The following EEF2 variants were observed in gnomAD, a reference collection of about 807,000 sequenced individuals.
EEF2 encodes eukaryotic translation elongation factor 2.
A neutral mutation model predicts 85.3 loss-of-function variants in EEF2; 21 were observed. The observed-to-expected ratio is 0.25, with a 90% CI of 0.17 to 0.35. EEF2 has a LOEUF of 0.35. EEF2 is among the 10% of genes least tolerant of loss of function. The pLI is 1.00. For missense variants in EEF2, 825 were observed against 1,225.3 expected (o/e 0.67, Z 4.88); for synonymous variants, 723 against 508.8 (o/e 1.42, Z -5.67).
Position 3,980,901 on chromosome 19 carries a change from C to A in EEF2, c.1090G>T (p.Ala364Ser). 2 of 1,565,506 alleles carry A rather than the reference C, an allele frequency of 1.3e-6. No homozygotes were observed. Among genetic ancestry groups the A allele is most frequent in the Non-Finnish European group, 8.6e-7 (1 of 1,156,364 alleles). Reference sequence around the variant, plus strand: ...AGGAGCTCGCAGCGGTACTTCTGGGCCGTCACAGGGGAGGGCAGGTGGATG... The same window carrying A: ...AGGAGCTCGCAGCGGTACTTCTGGGACGTCACAGGGGAGGGCAGGTGGATG... ...ITIHLPSPVT[A>S]QKYRCELLYE... The change falls in exon 8 of 15, where the codon GCC (alanine) becomes TCC (serine). Residue 364 changes from alanine (A) to serine (S), a missense_variant. Physicochemically the swap from Ala to Ser is moderately conservative, Grantham distance 99. Transcript: ENST00000309311.
Position 3,976,106 on chromosome 19 carries a change from T to G in EEF2, c.*448A>C, listed in dbSNP as rs3189554. ...CCAATGGCACTAGTACAGCTGGAGG[T>G]GCTCATGGTGACACCGCACAGGACT... On this transcript the variant is annotated 3_prime_UTR_variant, in exon 15 of 15. Coordinates refer to ENST00000309311, the MANE Select transcript of EEF2 (RefSeq NM_001961.4). 5.4e-6 allele frequency: 1 copy of G among 185,426 alleles called. No individual in the cohort carries two copies. Among genetic ancestry groups the G allele is most frequent in the Non-Finnish European group, 1.1e-5 (1 of 87,486 alleles). The allele number at this position is 185,426 out of a possible 1,614,324, so 11.5% of individuals were successfully genotyped here.
At chr19:3,981,829 T>A in intron 6 of EEF2, 118 bp downstream of exon 6, 2 of 897,032 alleles carry the variant, frequency 2.2e-6, no homozygotes, top group Non-Finnish European at 3.5e-6. Flanking sequence ...CCTCCTCCCA[T>A]CTCGCATCTG....
chr19:3,977,091 C>A lies in EEF2; in HGVS notation c.2383+124G>T. On this transcript the variant is annotated intron_variant, in intron 14 of 14. Transcript: ENST00000309311. This position sits in a 1 kb window ranked among gnomAD's most constrained non-coding sequence, Gnocchi z 5.4. ...CCACAAGCTGTCAGAAACTGGACCACCTGCTCCATCCATCACCTGCTCCCA... is the reference window on the plus strand; with the variant it reads ...CCACAAGCTGTCAGAAACTGGACCAACTGCTCCATCCATCACCTGCTCCCA... The A allele has an allele frequency of 7.2e-7, 1 of 1,392,614 alleles. No homozygotes were observed. The highest frequency in any genetic ancestry group is 9.7e-7 in the Non-Finnish European group (1 of 1,034,858). 86.3% of individuals were successfully genotyped at this position (1,392,614 alleles called of 1,614,324 possible). A position where few individuals can be genotyped will look rare whatever the true frequency, so the allele number is the denominator to read the frequency against.
chr19:3,984,044 G>T (rs1378565602), intron 2 of EEF2, 92 bp downstream of exon 2: 1 of 1,369,258 alleles, frequency 7.3e-7, no homozygotes, highest in East Asian at 2.3e-5. Context: ...AAGAGACGTT[G>T]CCAAGTCTCT....
chr19:3,977,128 C>A lies in EEF2; in HGVS notation c.2383+87G>T. ...ATCACCTGCTCCCATCAGGACGCCT[C>A]CTTTAACACCTTGCTAAGCTTAACT... is the stretch of plus-strand genomic sequence containing the variant. On this transcript the variant is annotated intron_variant, in intron 14 of 14. Transcript: ENST00000309311. The surrounding 1 kb of genome is among the most constrained non-coding windows in gnomAD (Gnocchi z 5.4). The A allele has an allele frequency of 6.4e-7, 1 of 1,553,810 alleles. No homozygotes were observed. The highest frequency in any genetic ancestry group is 1.2e-5 in the South Asian group (1 of 83,058).
Position 3,981,333 on chromosome 19 carries a change from C to A in EEF2, c.1011+6G>T. 1 of 1,613,762 alleles carries A rather than the reference C, an allele frequency of 6.2e-7. No homozygotes were observed. The highest frequency in any genetic ancestry group is 2.2e-5 in the East Asian group (1 of 44,886). ...CTCCACCCCGAGGGCTGGGCCCAGGCCGCACCTTCAGCAGGGGTTTGCCTT... is the reference window on the plus strand; with the variant it reads ...CTCCACCCCGAGGGCTGGGCCCAGGACGCACCTTCAGCAGGGGTTTGCCTT... On this transcript the variant is annotated splice_donor_region_variant and intron_variant, in intron 7 of 14. Coordinates refer to ENST00000309311, the MANE Select transcript of EEF2 (RefSeq NM_001961.4).
chr19:3,978,055 C>G lies in EEF2; in HGVS notation c.1831G>C (p.Asp611His). 6.3e-7 allele frequency: 1 copy of G among 1,589,504 alleles called. No homozygotes were observed. The highest frequency in any genetic ancestry group is 8.6e-7 in the Non-Finnish European group (1 of 1,164,718). ...RLYMKARPFP[D>H]GLAEDIDKGE... ...TTATCGATGTCCTCGGCCAGGCCGT[C>G]GGGGAAGGGCCGCGCCTTCATGTAC... is the stretch of plus-strand genomic sequence containing the variant. Residue 611 changes from aspartate (D) to histidine (H), a missense_variant, in exon 12 of 15, where the codon GAC becomes CAC. By Grantham distance (81) the Asp-to-His change is moderately conservative (BLOSUM62 -1). Coordinates refer to ENST00000309311, the MANE Select transcript of EEF2 (RefSeq NM_001961.4).
In EEF2 at chr19:3,977,428, C is replaced by T. The variant is rs1456079221; in HGVS notation, c.2250G>A (p.Gln750=). The change falls in exon 13 of 15, where the codon CAG becomes CAA. Residue 750 remains glutamine, a splice_region_variant and synonymous_variant. Transcript: ENST00000309311. The surrounding 1 kb of genome is among the most constrained non-coding windows in gnomAD (Gnocchi z 5.4). ...TCAGCGGTGGGCGGGTAGACCTCACCTGGATCTCCACAAGGTAGATGGGCT... is the reference window on the plus strand; with the variant it reads ...TCAGCGGTGGGCGGGTAGACCTCACTTGGATCTCCACAAGGTAGATGGGCT... ...LMEPIYLVEI[Q]CPEQVVGGIY... 2 of 1,584,520 alleles carry T rather than the reference C, an allele frequency of 1.3e-6. No individual in the cohort carries two copies. Among genetic ancestry groups the T allele is most frequent in the Non-Finnish European group, 1.7e-6 (2 of 1,165,340 alleles).
In EEF2 at chr19:3,976,720, G is replaced by A. The variant is rs765967807; in HGVS notation, c.2411C>T (p.Thr804Met). The change falls in exon 15 of 15, where the codon ACG (threonine) becomes ATG (methionine). Residue 804 changes from threonine (T) to methionine (M), a missense_variant. Transcript: ENST00000309311. Reference sequence around the variant, plus strand: ...ACACTGGGGGAACGCCTGGCCGCCCGTGTTGGACCTCAGGTCAGCGGTGAA... The same window carrying A: ...ACACTGGGGGAACGCCTGGCCGCCCATGTTGGACCTCAGGTCAGCGGTGAA... ...FGFTADLRSN[T>M]GGQAFPQCVF... 6.3e-7 allele frequency: 1 copy of A among 1,598,500 alleles called. No individual in the cohort carries two copies. Among genetic ancestry groups the A allele is most frequent in the Non-Finnish European group, 8.5e-7 (1 of 1,175,642 alleles).
chr19:3,981,189 T>G (rs982429852), intron 7 of EEF2, 150 bp downstream of exon 7: 32 of 1,030,718 alleles, frequency 3.1e-5, no homozygotes, highest in Middle Eastern at 6.4e-4. Context: ...TGCTGGGATG[T>G]GTCTCCAGCA....
At position 3,977,755 on chromosome 19, in the gene EEF2, G is replaced by A. The variant is rs185679219; in HGVS notation, c.2067+64C>T. 1.3e-5 allele frequency: 20 copies of A among 1,501,530 alleles called. No homozygotes were observed. The highest frequency in any genetic ancestry group is 1.3e-5 in the South Asian group (1 of 75,450). 93.0% of individuals were successfully genotyped at this position (1,501,530 alleles called of 1,614,324 possible). A position where few individuals can be genotyped will look rare whatever the true frequency, so the allele number is the denominator to read the frequency against. On this transcript the variant is annotated intron_variant, in intron 12 of 14. Coordinates refer to ENST00000309311, the MANE Select transcript of EEF2 (RefSeq NM_001961.4). The surrounding 1 kb of genome is among the most constrained non-coding windows in gnomAD (Gnocchi z 5.4). ...TTAGGGTCTCTGTCTCGGGAGGCAG[G>A]ACCATGAGGTCCCTCTAGAGCCTGG...
At chr19:3,981,747 G>A (rs748137401) in intron 6 of EEF2, among the ~76,000 whole-genome samples, 200 bp downstream of exon 6, 3 of 152,356 alleles carry the variant, frequency 2.0e-5, no homozygotes, top group African/African-American at 4.8e-5. Flanking sequence ...TGCAGGAGAG[G>A]TCCCAAGGCT....
In EEF2 at chr19:3,981,378, G is replaced by A; in HGVS notation, c.972C>T (p.Asp324=). 1.2e-6 allele frequency: 2 copies of A among 1,614,244 alleles called. No individual in the cohort carries two copies. ...KLIEKLDIKL[D]SEDKDKEGKP... The stretch of plus-strand genomic sequence containing the variant: ...TGCCTTCTTTGTCCTTGTCCTCGCT[G>A]TCCAGTTTGATGTCCAGTTTCTCTA... Residue 324 remains aspartate, a synonymous_variant, in exon 7 of 15, where the codon GAC becomes GAT. Transcript: ENST00000309311.
chr19:3,981,610 G>A (rs539213500), intron 6 of EEF2, among the ~76,000 whole-genome samples, 158 bp from the exon 7 acceptor site: 4 of 152,358 alleles, frequency 2.6e-5, no homozygotes, highest in South Asian at 2.1e-4. Flanking sequence ...CCAGCTGAGC[G>A]GATCGGGAGC....
At chr19:3,982,712 C>G in intron 4 of EEF2, 95 bp downstream of exon 4, 2 of 1,391,514 alleles carry the variant, frequency 1.4e-6, no homozygotes, top group African/African-American at 2.8e-5. Context: ...CTGGCAAAAA[C>G]ACACTTCCAG....
At position 3,977,330 on chromosome 19, in the gene EEF2, G is replaced by C. The variant is rs377137866; in HGVS notation, c.2268C>G (p.Val756=). ...LVEIQCPEQV[V]GGIYGVLNRK... Reference sequence around the variant, plus strand: ...TGTTCAAAACCCCGTAGATGCCACCGACCACCTGCTCTGGACACTGCCAGA... The same window carrying C: ...TGTTCAAAACCCCGTAGATGCCACCCACCACCTGCTCTGGACACTGCCAGA... Residue 756 remains valine (V), a synonymous_variant, in exon 14 of 15, where the codon GTC becomes GTG. Coordinates refer to ENST00000309311, the MANE Select transcript of EEF2 (RefSeq NM_001961.4). The surrounding 1 kb of genome is among the most constrained non-coding windows in gnomAD (Gnocchi z 5.4). 6.3e-7 allele frequency: 1 copy of C among 1,594,386 alleles called. No homozygotes were observed. Among genetic ancestry groups the C allele is most frequent in the South Asian group, 1.1e-5 (1 of 88,754 alleles).
chr19:3,977,217 A>G lies in EEF2; in HGVS notation c.2381T>C (p.Phe794Ser). The G allele has an allele frequency of 6.2e-7, 1 of 1,613,304 alleles. No homozygotes were observed. Among genetic ancestry groups the G allele is most frequent in the Admixed American group, 1.7e-5 (1 of 59,990 alleles). The change falls in exon 14 of 15, where the codon TTT becomes TCT. Residue 794 changes from phenylalanine to serine, a missense_variant and splice_region_variant. Coordinates refer to ENST00000309311, the MANE Select transcript of EEF2 (RefSeq NM_001961.4). The surrounding 1 kb of genome is among the most constrained non-coding windows in gnomAD (Gnocchi z 5.4). ...VKAYLPVNES[F>S]GFTADLRSNT... The stretch of plus-strand genomic sequence containing the variant: ...GGCCACACCGGGCAGGCACTCACCA[A>G]AGGACTCGTTGACGGGCAGATAGGC...
rs1384591353 is a variant in EEF2, at chr19:3,985,446, G to GCGA, written c.-69_-67dup. On this transcript the variant is annotated 5_prime_UTR_variant, in exon 1 of 15. Transcript: ENST00000309311. The stretch of plus-strand genomic sequence containing the variant: ...GAAGCGAGTCGCGCCGAGGATGGCG[G>GCGA]CGACGACGGCGGAAGAGAACGCTGA... The GCGA allele has an allele frequency of 4.2e-6, 6 of 1,432,068 alleles. No homozygotes were observed. Among genetic ancestry groups the GCGA allele is most frequent in the Middle Eastern group, 1.8e-4 (1 of 5,462 alleles). The allele number at this position is 1,432,068 out of a possible 1,614,324, so 88.7% of individuals were successfully genotyped here.
At chr19:3,983,402 G>C (rs966334334) in intron 2 of EEF2, 111 bp from the exon 3 acceptor site, 2 of 1,236,454 alleles carry the variant, frequency 1.6e-6, no homozygotes, top group African/African-American at 3.1e-5. Context: ...CATCCCTGGA[G>C]AGGCTCCCAC....
Sources: gnomAD v4.1 joint callset for allele counts (sites outside exome capture counted in the v4.1 genomes callset) on GRCh38, gnomAD v4.1.1 for gene constraint, Gnocchi (gnomAD v3.1) non-coding constraint, MANE v1.5 for transcripts, NCBI Gene and HGNC (gene_info 2026-07-23, HGNC 2026-07-21) for gene names.